Variants in UVRAG observed in about 807,000 individuals in gnomAD.
UVRAG encodes UV radiation resistance-associated gene protein.
Under a neutral mutation model 78.0 loss-of-function variants are expected in UVRAG, and 19 were observed. The observed-to-expected ratio is 0.24, with a 90% CI of 0.17 to 0.36. The LOEUF (loss-of-function observed/expected upper bound fraction) is 0.36. UVRAG is among the 10% of genes least tolerant of loss of function. The pLI is 1.00. For missense variants in UVRAG, 740 were observed against 853.8 expected (o/e 0.87, Z 1.66); for synonymous variants, 323 against 324.6 (o/e 1.00, Z 0.05).
At chr11:75,961,688 A>T (rs1948914434) in intron 7 of UVRAG, 139 bp downstream of exon 7, 1 of 586,772 alleles carries the variant, frequency 1.7e-6, no homozygotes, top group Admixed American at 4.0e-5. Context: ...ATTGGCATTT[A>T]AATGTTGGAA....
intron 12 of UVRAG, among the ~76,000 whole-genome samples, chr11:76,044,376 T>A (rs1950706719): frequency 6.6e-6 from 1 of 152,238 alleles, no homozygotes; most frequent in African/African-American, 2.4e-5. Context: ...AAACAAAGGC[T>A]GCTATTTTAA....
intron 12 of UVRAG, among the ~76,000 whole-genome samples, chr11:76,063,440 T>C (rs1951129799): frequency 6.6e-6 from 1 of 152,194 alleles, no homozygotes; most frequent in Admixed American, 6.5e-5. Context: ...TTAGTTAGAG[T>C]GACAGTAAGG....
At chr11:76,134,452 G>T (rs1243029319) in intron 14 of UVRAG, among the ~76,000 whole-genome samples, 1 of 151,964 alleles carries the variant, frequency 6.6e-6, no homozygotes, top group Non-Finnish European at 1.5e-5. Context: ...TTTCCTTCTT[G>T]CAGCTAGCTC....
chr11:76,140,832 G>T lies in UVRAG; in HGVS notation c.1519G>T (p.Ala507Ser), dbSNP rs747397100. ...PSPDKGHRKR[A>S]SSENERLQYK... ...ACCAGACAAAGGACATCGAAAACGG[G>T]CCAGCTCTGAGAATGAGAGACTTCA... The change falls in exon 15 of 15, where the codon GCC (alanine) becomes TCC (serine). Residue 507 changes from alanine to serine, a missense_variant. Coordinates refer to ENST00000356136, the MANE Select transcript of UVRAG (RefSeq NM_003369.4). 6.8e-6 allele frequency: 11 copies of T among 1,614,096 alleles called. No individual in the cohort carries two copies. In the South Asian group the frequency reaches 1.2e-4, roughly 18 times the overall value.
intron 5 of UVRAG, among the ~76,000 whole-genome samples, chr11:75,907,086 A>G (rs573095535): frequency 6.6e-6 from 1 of 152,326 alleles, no homozygotes; most frequent in East Asian, 1.9e-4. Context: ...GGCATTGAAT[A>G]TCTTATCTAG....
chr11:75,911,814 C>G lies in UVRAG; in HGVS notation c.508-140C>G, dbSNP rs749250403. The stretch of plus-strand genomic sequence containing the variant: ...AGGCTTCTATTACATGGCAGATATA[C>G]TTTACTTTTTGGAATCTCTAAAATT... On this transcript the variant is annotated intron_variant, in intron 5 of 14. Coordinates refer to ENST00000356136, the MANE Select transcript of UVRAG (RefSeq NM_003369.4). 111 of 571,464 alleles carry G rather than the reference C, an allele frequency of 1.9e-4. 1 individual carries two copies. The highest frequency in any genetic ancestry group is 3.8e-4 in the Admixed American group (12 of 31,924). 35.4% of individuals were successfully genotyped at this position (571,464 alleles called of 1,614,324 possible).
chr11:76,065,437 T>A (rs1357426279), intron 12 of UVRAG, among the ~76,000 whole-genome samples: 5 of 152,172 alleles, frequency 3.3e-5, no homozygotes, highest in Non-Finnish European at 7.3e-5. Flanking sequence ...TAGGAACCAG[T>A]GGCCTCAACT....
chr11:76,049,631 G>A (rs997551693), intron 12 of UVRAG, among the ~76,000 whole-genome samples: 1 of 152,182 alleles, frequency 6.6e-6, no homozygotes, highest in Non-Finnish European at 1.5e-5. Context: ...AGTCAGACAG[G>A]CATGGGTTGG....
intron 13 of UVRAG, among the ~76,000 whole-genome samples, chr11:76,100,729 T>C (rs1484095716): frequency 6.6e-6 from 1 of 152,132 alleles, no homozygotes; most frequent in African/African-American, 2.4e-5. Context: ...TAGTACCCAA[T>C]AGTACTTTTT....
chr11:76,016,423 G>T (rs1369954060), intron 11 of UVRAG, among the ~76,000 whole-genome samples: 1 of 152,022 alleles, frequency 6.6e-6, no homozygotes, highest in Non-Finnish European at 1.5e-5. Flanking sequence ...TGAATAAAAT[G>T]TATAACCACT....
At chr11:75,977,205 C>T (rs1432179641) in intron 7 of UVRAG, among the ~76,000 whole-genome samples, 5 of 152,124 alleles carry the variant, frequency 3.3e-5, no homozygotes, top group Admixed American at 3.3e-4. Flanking sequence ...ATCCTGAGTT[C>T]TAGTTTGATT....
intron 5 of UVRAG, among the ~76,000 whole-genome samples, chr11:75,906,536 C>T (rs1161544098): frequency 6.6e-6 from 1 of 152,050 alleles, no homozygotes; most frequent in South Asian, 2.1e-4. Flanking sequence ...TTAGGAGGTA[C>T]CAGGTTTTAC....
At chr11:76,033,872 A>C (rs1950480793) in intron 12 of UVRAG, among the ~76,000 whole-genome samples, 1 of 152,170 alleles carries the variant, frequency 6.6e-6, no homozygotes, top group Non-Finnish European at 1.5e-5. Context: ...GAGGAAGAGA[A>C]ACTCTCATCC....
rs1377409650 is a variant in UVRAG at position 76,143,518 on chromosome 11, C to T, written c.*2105C>T. Among the ~76,000 whole-genome samples, 3 of 152,262 alleles carry T rather than the reference C, an allele frequency of 2.0e-5. No individual in the cohort carries two copies. Among genetic ancestry groups the T allele is most frequent in the East Asian group, 1.9e-4 (1 of 5,194 alleles). ...GGGGAGCCCTGCTCTTGAATGTCAT[C>T]GGGCTGCTCAGAGCTGATTGCTAGG... On this transcript the variant is annotated 3_prime_UTR_variant, in exon 15 of 15. Coordinates refer to ENST00000356136, the MANE Select transcript of UVRAG (RefSeq NM_003369.4).
intron 2 of UVRAG, among the ~76,000 whole-genome samples, chr11:75,856,991 C>T (rs1219227302): frequency 1.3e-5 from 2 of 152,202 alleles, no homozygotes; most frequent in African/African-American, 2.4e-5. Context: ...CTTTCTCTTA[C>T]ATTTCACATC....
At chr11:75,937,933 T>G (rs749123483) in intron 6 of UVRAG, among the ~76,000 whole-genome samples, 22 of 152,330 alleles carry the variant, frequency 1.4e-4, no homozygotes, top group Non-Finnish European at 3.1e-4. Context: ...TGTTTTTGTT[T>G]TAGTCTTCCT....
intron 12 of UVRAG, among the ~76,000 whole-genome samples, chr11:76,022,461 G>T (rs1309231747): frequency 6.6e-6 from 1 of 151,912 alleles, no homozygotes; most frequent in Non-Finnish European, 1.5e-5. Flanking sequence ...ATATATTTTA[G>T]ACCTCTGTTG....
At position 76,141,189 on chromosome 11, in the gene UVRAG, T is replaced by C; in HGVS notation, c.1876T>C (p.Cys626Arg). 1 of 1,614,166 alleles carries C rather than the reference T, an allele frequency of 6.2e-7. No individual in the cohort carries two copies. The highest frequency in any genetic ancestry group is 8.5e-7 in the Non-Finnish European group (1 of 1,180,032). ...EFHPVSEAEL[C>R]CTVEQAEEII... ...CCACCCAGTCTCAGAAGCTGAGCTC[T>C]GCTGTACTGTGGAGCAAGCAGAAGA... Residue 626 changes from cysteine to arginine, a missense_variant, in exon 15 of 15, where the codon TGC becomes CGC. Physicochemically the swap from Cys to Arg is radical, Grantham distance 180. Coordinates refer to ENST00000356136, the MANE Select transcript of UVRAG (RefSeq NM_003369.4).
chr11:76,071,906 C>T (rs1951317806), intron 13 of UVRAG, among the ~76,000 whole-genome samples: 1 of 152,086 alleles, frequency 6.6e-6, no homozygotes, highest in African/African-American at 2.4e-5. Flanking sequence ...GGGAGTGGGG[C>T]AACCAAAAGA....
Sources: allele counts gnomAD v4.1 joint callset (sites outside exome capture counted in the v4.1 genomes callset), GRCh38; gene constraint gnomAD v4.1.1; transcripts MANE v1.5; gene names NCBI Gene and HGNC (gene_info 2026-07-23, HGNC 2026-07-21).